The following NFIB variants were observed in gnomAD, a reference collection of about 807,000 sequenced individuals.
NFIB encodes the protein nuclear factor I B, also known as nuclear factor 1 B-type.
A neutral mutation model predicts 61.5 loss-of-function variants in NFIB; 11 were observed. The ratio of observed to expected loss-of-function variants is 0.18; its 90% CI spans 0.11 to 0.30. The LOEUF (loss-of-function observed/expected upper bound fraction) is 0.30, where lower values mean the gene tolerates loss of function less well. Among genes scored for constraint, NFIB ranks in the 10% least tolerant of loss-of-function variants. NFIB has a pLI of 1.00. For missense variants in NFIB, 471 were observed against 608.9 expected (o/e 0.77, Z 2.38); for synonymous variants, 260 against 216.5 (o/e 1.20, Z -1.76).
intron 2 of NFIB, among the ~76,000 whole-genome samples, chr9:14,190,105 T>C (rs1218490178): frequency 1.3e-5 from 2 of 152,176 alleles, no homozygotes; most frequent in East Asian, 3.8e-4. Flanking sequence ...AAAGATACTT[T>C]GCCAAATCAT....
At chr9:14,382,638 G>A (rs898552542) in intron 1 of NFIB, among the ~76,000 whole-genome samples, 10 of 152,054 alleles carry the variant, frequency 6.6e-5, no homozygotes, top group Non-Finnish European at 1.3e-4. Flanking sequence ...GCTCTTGCAC[G>A]AGGGTAGCAG....
At chr9:14,423,733 C>G in the NFIB span, among the ~76,000 whole-genome samples, 3 of 152,216 alleles carry the variant, frequency 2.0e-5, no homozygotes, top group Non-Finnish European at 4.4e-5. Context: ...TTGGCCAGAA[C>G]TTTCCTGTTG....
chr9:14,525,346 C>T, the NFIB span, among the ~76,000 whole-genome samples: 1 of 152,124 alleles, frequency 6.6e-6, no homozygotes, highest in African/African-American at 2.4e-5. Flanking sequence ...AGCAGAGAAA[C>T]TTTATTTAAA....
At chr9:14,187,375 A>G (rs1392751955) in intron 2 of NFIB, among the ~76,000 whole-genome samples, 3 of 152,148 alleles carry the variant, frequency 2.0e-5, no homozygotes, top group Non-Finnish European at 4.4e-5. Context: ...TTTCCTGCAT[A>G]TTTTAAACTA....
In NFIB at chr9:14,146,827, G is replaced by A. The variant is rs1263545279; in HGVS notation, c.807-20C>T. 2 of 1,598,732 alleles carry A rather than the reference G, an allele frequency of 1.3e-6. No individual in the cohort carries two copies. The highest frequency in any genetic ancestry group is 1.7e-6 in the Non-Finnish European group (2 of 1,176,124). ...CTTTTGCTGTTAAAATATGGCAATA[G>A]TTATATTAATGGGATTTCTGGGAAG... On this transcript the variant is annotated intron_variant, in intron 5 of 10. Transcript: ENST00000380953.
chr9:14,116,771 G>A (rs992459471), intron 8 of NFIB, among the ~76,000 whole-genome samples: 3 of 152,156 alleles, frequency 2.0e-5, no homozygotes, highest in East Asian at 3.9e-4. Flanking sequence ...TTGGCTTTTA[G>A]AACACAATTT....
intron 2 of NFIB, among the ~76,000 whole-genome samples, chr9:14,239,209 A>G (rs1181058126): frequency 2.0e-5 from 3 of 152,234 alleles, no homozygotes; most frequent in African/African-American, 7.2e-5. Context: ...GTTACACAGG[A>G]GAACAGTAAC....
intron 1 of NFIB, among the ~76,000 whole-genome samples, chr9:14,336,778 TC>T (rs2060890738): frequency 6.6e-6 from 1 of 152,182 alleles, no homozygotes; most frequent in Non-Finnish European, 1.5e-5. Flanking sequence ...TGTGCTTTTT[TC>T]CCTTTTTATC....
At chr9:14,191,261 G>A (rs1275983541) in intron 2 of NFIB, among the ~76,000 whole-genome samples, 1 of 152,156 alleles carries the variant, frequency 6.6e-6, no homozygotes, top group Non-Finnish European at 1.5e-5. Flanking sequence ...CCTGGAGGTT[G>A]AGGCTGCAGT....
intron 1 of NFIB, among the ~76,000 whole-genome samples, chr9:14,385,567 C>A (rs565791655): frequency 5.3e-5 from 8 of 152,106 alleles, no homozygotes; most frequent in Admixed American, 4.6e-4. Flanking sequence ...ATAACACAGA[C>A]AATTCTTACT....
At position 14,333,821 on chromosome 9, in the gene NFIB, A is replaced by G. The variant is rs185322295; in HGVS notation, c.109-26301T>C. 8.9e-4 allele frequency among the ~76,000 whole-genome samples: 136 copies of G among 152,320 alleles called. 2 individuals are homozygous for G. The highest frequency in any genetic ancestry group is 2.4e-3 in the Admixed American group (37 of 15,298). ...TCACCACCATACATCTTAAGAGATG[A>G]AAAATTATTGGCAATGCAGAAACCG... is the stretch of plus-strand genomic sequence containing the variant. On this transcript the variant is annotated intron_variant, in intron 1 of 8. Coordinates refer to the NFIB transcript ENST00000380934.
intron 3 of NFIB, among the ~76,000 whole-genome samples, chr9:14,160,105 C>G (rs1054235283): frequency 9.9e-5 from 15 of 152,064 alleles, no homozygotes; most frequent in African/African-American, 3.6e-4. Flanking sequence ...TGTATTTACA[C>G]TACATGTGTG....
upstream of NFIB, among the ~76,000 whole-genome samples, chr9:14,400,937 G>A (rs1199897005): frequency 6.6e-6 from 1 of 152,178 alleles, no homozygotes; most frequent in African/African-American, 2.4e-5. Flanking sequence ...GCCAATCAGC[G>A]ACCACTCCTC....
the NFIB span, among the ~76,000 whole-genome samples, chr9:14,426,190 A>C: frequency 1.3e-5 from 2 of 152,272 alleles, 1 homozygote. Flanking sequence ...GCTTAAAGAA[A>C]AAAAATCAGA....
intron 1 of NFIB, among the ~76,000 whole-genome samples, chr9:14,348,555 A>T (rs2061063166): frequency 6.6e-6 from 1 of 152,234 alleles, no homozygotes; most frequent in South Asian, 2.1e-4. Context: ...AGCACGGCAC[A>T]GGCGGCCCAG....
the NFIB span, among the ~76,000 whole-genome samples, chr9:14,520,819 C>T: frequency 6.6e-6 from 1 of 152,166 alleles, no homozygotes; most frequent in African/African-American, 2.4e-5. Context: ...GGTAAGGCTG[C>T]TTCATGAATA....
At chr9:14,241,866 C>A (rs1413707687) in intron 2 of NFIB, among the ~76,000 whole-genome samples, 1 of 152,014 alleles carries the variant, frequency 6.6e-6, no homozygotes, top group African/African-American at 2.4e-5. Flanking sequence ...ATTTTTTAAC[C>A]TTTTTCCTGA....
At chr9:14,420,888 T>C in the NFIB span, among the ~76,000 whole-genome samples, 1 of 152,196 alleles carries the variant, frequency 6.6e-6, no homozygotes, top group Admixed American at 6.5e-5. Context: ...TCAATTAACA[T>C]GCTTCCACTA....
intron 1 of NFIB, among the ~76,000 whole-genome samples, chr9:14,390,090 T>C (rs2061602358): frequency 6.6e-6 from 1 of 152,122 alleles, no homozygotes; most frequent in South Asian, 2.1e-4. Context: ...AATGCTGAAA[T>C]ACAATATATG....
Sources: allele counts gnomAD v4.1 joint callset (sites outside exome capture counted in the v4.1 genomes callset), GRCh38; gene constraint gnomAD v4.1.1; transcripts MANE v1.5; gene names NCBI Gene and HGNC (gene_info 2026-07-23, HGNC 2026-07-21).